The following SCAI variants were observed in gnomAD, a reference collection of about 807,000 sequenced individuals.
SCAI encodes the protein protein SCAI.
A neutral mutation model predicts 92.2 loss-of-function variants in SCAI; 24 were observed. The observed-to-expected ratio is 0.26, with a 90% CI of 0.19 to 0.37. The LOEUF (loss-of-function observed/expected upper bound fraction) is 0.37, where lower values mean the gene tolerates loss of function less well. Ranked by LOEUF, SCAI falls within the 10% of genes least tolerant of loss-of-function variation. The probability of loss-of-function intolerance (pLI) is 1.00; values close to 1 mark genes in which losing one functional copy is unlikely to be tolerated. For synonymous variants in SCAI, 261 were observed against 258.6 expected (o/e 1.01, Z -0.09); for missense variants, 450 against 736.2 (o/e 0.61, Z 4.50).
intron 2 of SCAI, among the ~76,000 whole-genome samples, chr9:125,081,646 C>A (rs1293923495): frequency 6.6e-6 from 1 of 152,202 alleles, no homozygotes; most frequent in Non-Finnish European, 1.5e-5. Context: ...CATCTCAGCT[C>A]ACTGCAACCT....
At chr9:125,114,384 G>T (rs1191826134) in intron 2 of SCAI, among the ~76,000 whole-genome samples, 1 of 151,748 alleles carries the variant, frequency 6.6e-6, no homozygotes, top group African/African-American at 2.4e-5. Flanking sequence ...ATTGAAGAAT[G>T]AAATAAAGTT....
intron 2 of SCAI, among the ~76,000 whole-genome samples, chr9:125,139,353 C>T (rs1335844595): frequency 6.6e-6 from 1 of 152,058 alleles, no homozygotes; most frequent in Non-Finnish European, 1.5e-5. Context: ...GTCAAGGCTC[C>T]AGTGAGCCAT....
chr9:124,949,341 G>A lies in SCAI; in HGVS notation c.*3466C>T, dbSNP rs1831199407. 6.6e-6 allele frequency: 1 copy of A among 152,192 alleles called. No individual in the cohort carries two copies. The highest frequency in any genetic ancestry group is 2.1e-4 in the South Asian group (1 of 4,832). 9.4% of individuals were successfully genotyped at this position (152,192 alleles called of 1,614,324 possible). On this transcript the variant is annotated 3_prime_UTR_variant, in exon 18 of 18. Coordinates refer to ENST00000336505, the MANE Select transcript of SCAI (RefSeq NM_001144877.3). This position sits in a 1 kb window ranked among gnomAD's most constrained non-coding sequence, Gnocchi z 4.0. ...ACACTGCAGCCTGAGTAACAAGAGT[G>A]AAACTCCGTCTCAAAAACAAAAAAC...
intron 2 of SCAI, among the ~76,000 whole-genome samples, chr9:125,095,597 T>A (rs1477557373): frequency 6.6e-6 from 1 of 152,260 alleles, no homozygotes; most frequent in Non-Finnish European, 1.5e-5. Flanking sequence ...CTTCCTTGCA[T>A]CCAGGTATGG....
chr9:124,986,042 A>G lies in SCAI; in HGVS notation c.1326+8892T>C, dbSNP rs574425376. 2.0e-5 allele frequency among the ~76,000 whole-genome samples: 3 copies of G among 152,340 alleles called. No individual in the cohort carries two copies. In the South Asian group the frequency reaches 6.2e-4, roughly 32 times the overall value. On this transcript the variant is annotated intron_variant, in intron 14 of 17. Coordinates refer to ENST00000336505, the MANE Select transcript of SCAI (RefSeq NM_001144877.3). The stretch of plus-strand genomic sequence containing the variant: ...CGCGGTGGCTCATGCCTGTAATCCC[A>G]GTACTTTGGGAGGCCAAGGCAGGCA...
chr9:125,046,217 A>ATATATATATATATATATATG (rs1833432958), intron 3 of SCAI, among the ~76,000 whole-genome samples: 1 of 130,248 alleles, frequency 7.7e-6, no homozygotes, highest in Non-Finnish European at 1.6e-5. Context: ...ATATATATAT[A>ATATATATATATATATATATG]TATATATGCA....
At chr9:125,140,354 C>A (rs1484661831) in intron 2 of SCAI, among the ~76,000 whole-genome samples, 1 of 151,970 alleles carries the variant, frequency 6.6e-6, no homozygotes, top group East Asian at 1.9e-4. Context: ...ATGTTGAAAC[C>A]CCGTCTCTAC....
At chr9:124,968,360 C>T in intron 17 of SCAI, 1 of 1,198,350 alleles carries the variant, frequency 8.3e-7, no homozygotes, top group Non-Finnish European at 1.2e-6. Context: ...CTTTAGTGAG[C>T]TCTGCAGCGA....
At position 124,951,172 on chromosome 9, in the gene SCAI, C is replaced by T. The variant is rs1013883232; in HGVS notation, c.*1635G>A. 1 of 151,632 alleles carries T rather than the reference C, an allele frequency of 6.6e-6. No individual in the cohort carries two copies. The highest frequency in any genetic ancestry group is 1.5e-5 in the Non-Finnish European group (1 of 68,042). The allele number at this position is 151,632 out of a possible 1,614,324, so 9.4% of individuals were successfully genotyped here. Reference sequence around the variant, plus strand: ...CAAATCAAAGCAGGAATGGGAATAACTTAGACCCAAATTAGTCTCTATGCC... The same window carrying T: ...CAAATCAAAGCAGGAATGGGAATAATTTAGACCCAAATTAGTCTCTATGCC... On this transcript the variant is annotated 3_prime_UTR_variant, in exon 18 of 18. Coordinates refer to ENST00000336505, the MANE Select transcript of SCAI (RefSeq NM_001144877.3).
intron 7 of SCAI, among the ~76,000 whole-genome samples, chr9:125,020,239 C>T (rs1354428629): frequency 1.3e-5 from 2 of 152,106 alleles, no homozygotes; most frequent in Admixed American, 6.6e-5. Flanking sequence ...AGACAGTTAA[C>T]TCTTAATCAC....
intron 2 of SCAI, among the ~76,000 whole-genome samples, chr9:125,087,578 C>T (rs895790995): frequency 6.6e-6 from 1 of 152,148 alleles, no homozygotes; most frequent in African/African-American, 2.4e-5. Context: ...TTACACGGCA[C>T]TTTCAAACAA....
chr9:124,968,287 C>T (rs569706866), intron 17 of SCAI: 3 of 1,162,798 alleles, frequency 2.6e-6, no homozygotes, highest in African/African-American at 1.5e-5. Flanking sequence ...TAAAACCGGG[C>T]TGGGCATCAA....
intron 14 of SCAI, among the ~76,000 whole-genome samples, chr9:124,986,664 A>T (rs1350817407): frequency 6.6e-6 from 1 of 152,206 alleles, no homozygotes; most frequent in African/African-American, 2.4e-5. Context: ...CCAACCTACC[A>T]CCTCAGGAAG....
Position 125,008,161 on chromosome 9 carries a change from T to C in SCAI, c.862-4591A>G, listed in dbSNP as rs373891657. Among the ~76,000 whole-genome samples the C allele has an allele frequency of 5.9e-5, 9 of 151,820 alleles. No individual in the cohort carries two copies. The East Asian group carries it at 1.2e-3, about 20-fold the overall frequency. ...TGCCCGGCCCTTTATTTTTTTCTTT[T>C]TGAGACAGAGTCTCACTCTGTCACC... On this transcript the variant is annotated intron_variant, in intron 9 of 17. Coordinates refer to ENST00000336505, the MANE Select transcript of SCAI (RefSeq NM_001144877.3).
Position 124,999,923 on chromosome 9 carries a change from G to C in SCAI, c.1212C>G (p.His404Gln), listed in dbSNP as rs780636989. ...TTTCCTTGTGGGACTGATTTCGTTT[G>C]TGGATGGCATCTCCATTAATAATAT... ...NRDIINGDAI[H>Q]KRNQSHKEMH... Residue 404 changes from histidine to glutamine, a missense_variant, in exon 13 of 18, where the codon CAC becomes CAG. Physicochemically the swap from His to Gln is conservative, Grantham distance 24 (BLOSUM62 0). This residue lies in a region of SCAI where 360 missense variants were observed against 601.8 expected (regional missense o/e 0.60). Transcript: ENST00000336505. The C allele has an allele frequency of 6.3e-7, 1 of 1,593,708 alleles. No individual in the cohort carries two copies. The highest frequency in any genetic ancestry group is 1.1e-5 in the South Asian group (1 of 89,016).
intron 14 of SCAI, among the ~76,000 whole-genome samples, chr9:124,980,098 AT>A (rs1469142186): frequency 6.6e-6 from 1 of 152,048 alleles, no homozygotes; most frequent in African/African-American, 2.4e-5. Flanking sequence ...TATTAGAAAT[AT>A]TTTGTAATCC....
chr9:125,008,300 A>G (rs1029062588), intron 9 of SCAI, among the ~76,000 whole-genome samples: 21 of 151,678 alleles, frequency 1.4e-4, no homozygotes, highest in African/African-American at 4.4e-4. Flanking sequence ...ATAAGCCACC[A>G]TGCCTGGCTT....
At chr9:125,090,190 A>C (rs922861576) in intron 2 of SCAI, among the ~76,000 whole-genome samples, 1 of 152,216 alleles carries the variant, frequency 6.6e-6, no homozygotes, top group Non-Finnish European at 1.5e-5. Flanking sequence ...CAAATGATGA[A>C]TACTACAAGA....
intron 14 of SCAI, among the ~76,000 whole-genome samples, chr9:124,977,970 A>T (rs1232052078): frequency 6.6e-6 from 1 of 152,188 alleles, no homozygotes; most frequent in Non-Finnish European, 1.5e-5. Context: ...TGAAAAAAAT[A>T]ATTATTTTTT....
Sources: allele counts gnomAD v4.1 joint callset (sites outside exome capture counted in the v4.1 genomes callset), GRCh38; gene constraint gnomAD v4.1.1; regional missense constraint gnomAD v4.1.1; non-coding constraint Gnocchi (gnomAD v3.1); transcripts MANE v1.5; gene names NCBI Gene and HGNC (gene_info 2026-07-23, HGNC 2026-07-21).